The following FILIP1 variants were observed in gnomAD, a reference collection of about 807,000 sequenced individuals.
FILIP1 encodes the protein filamin A interacting protein 1.
A neutral mutation model predicts 102.1 loss-of-function variants in FILIP1; 61 were observed. That is an observed-to-expected ratio of 0.60 (90% CI 0.49 to 0.74). The LOEUF is 0.74. Among genes scored for constraint, FILIP1 ranks in the 30% least tolerant of loss-of-function variants. The probability of loss-of-function intolerance (pLI) is 0.00; values close to 1 mark genes in which losing one functional copy is unlikely to be tolerated. For synonymous variants in FILIP1, 491 were observed against 526.9 expected (o/e 0.93, Z 0.93); for missense variants, 1,314 against 1,441.2 (o/e 0.91, Z 1.43).
At chr6:75,327,645 T>C (rs1465883091) in intron 4 of FILIP1, among the ~76,000 whole-genome samples, 4 of 151,184 alleles carry the variant, frequency 2.6e-5, no homozygotes, top group African/African-American at 4.8e-5. Context: ...CTCCCTCATA[T>C]ATATTTAAGA....
chr6:75,339,301 T>C (rs1319405493), intron 4 of FILIP1, among the ~76,000 whole-genome samples: 1 of 152,254 alleles, frequency 6.6e-6, no homozygotes, highest in Admixed American at 6.5e-5. Context: ...TCCTGAGGAC[T>C]CTCTTGATTA....
rs1439351528 is a variant in FILIP1 at position 75,301,410 on chromosome 6, C to T, written c.3494-5460G>A. Among the ~76,000 whole-genome samples the T allele has an allele frequency of 2.6e-5, 4 of 152,130 alleles. No individual in the cohort carries two copies. The East Asian group carries it at 7.7e-4, about 29-fold the overall frequency. ...AACTGATTTTTGGTCCTGGCCTTAT[C>T]ATTAATAAGATGCTTAGACATCTGT... On this transcript the variant is annotated intron_variant, in intron 6 of 6. Coordinates refer to the FILIP1 transcript ENST00000393004.
At chr6:75,305,590 T>A (rs563565905), downstream of FILIP1, among the ~76,000 whole-genome samples, 2 of 152,182 alleles carry the variant, frequency 1.3e-5, no homozygotes, top group Non-Finnish European at 2.9e-5. Flanking sequence ...GACCTAGATA[T>A]ATAGCTCACA....
chr6:75,366,994 A>C (rs1462296081), intron 2 of FILIP1, among the ~76,000 whole-genome samples: 1 of 152,188 alleles, frequency 6.6e-6, no homozygotes. Flanking sequence ...TAAAACTGTA[A>C]GCAGGTATCT....
At chr6:75,324,802 A>G (rs1433313942) in intron 4 of FILIP1, among the ~76,000 whole-genome samples, 1 of 152,226 alleles carries the variant, frequency 6.6e-6, no homozygotes, top group African/African-American at 2.4e-5. Flanking sequence ...CAGCCAACTG[A>G]TCTTCAACAA....
chr6:75,394,712 A>G (rs1488908135), intron 2 of FILIP1, among the ~76,000 whole-genome samples: 1 of 152,214 alleles, frequency 6.6e-6, no homozygotes, highest in African/African-American at 2.4e-5. Context: ...AGAAATGTAA[A>G]TTAAAACTAC....
chr6:75,446,461 T>C (rs778799850), intron 1 of FILIP1, among the ~76,000 whole-genome samples: 1 of 152,166 alleles, frequency 6.6e-6, no homozygotes, highest in Non-Finnish European at 1.5e-5. Flanking sequence ...CTAATCTACA[T>C]TGCACAGTCA....
At chr6:75,370,680 G>T (rs1032554757) in intron 2 of FILIP1, among the ~76,000 whole-genome samples, 1 of 148,712 alleles carries the variant, frequency 6.7e-6, no homozygotes, top group African/African-American at 2.5e-5. Context: ...AGGTTCAAGC[G>T]ATTCTCCTGC....
intron 1 of FILIP1, among the ~76,000 whole-genome samples, chr6:75,441,814 G>C (rs1216354042): frequency 6.7e-6 from 1 of 148,984 alleles, no homozygotes; most frequent in Non-Finnish European, 1.5e-5. Flanking sequence ...CTCCCGGACG[G>C]GGCGGCTGGC....
Position 75,361,916 on chromosome 6 carries a change from A to C in FILIP1, c.450+828T>G, listed in dbSNP as rs1489759236. The C allele has an allele frequency of 2.0e-5, 3 of 152,204 alleles. No homozygotes were observed. The East Asian group carries it at 5.8e-4, about 29-fold the overall frequency. 9.4% of individuals were successfully genotyped at this position (152,204 alleles called of 1,614,324 possible). A position where few individuals can be genotyped will look rare whatever the true frequency, so the allele number is the denominator to read the frequency against. On this transcript the variant is annotated intron_variant, in intron 3 of 5. Coordinates refer to ENST00000237172, the MANE Select transcript of FILIP1 (RefSeq NM_015687.5). The stretch of plus-strand genomic sequence containing the variant: ...GTAATTTGAAAATTATGGGACCATC[A>C]ATCTGTTGTGAATGCTGTCTACAGC...
chr6:75,341,902 C>A (rs1452802009), intron 4 of FILIP1, among the ~76,000 whole-genome samples: 1 of 152,100 alleles, frequency 6.6e-6, no homozygotes, highest in East Asian at 1.9e-4. Context: ...TATTGTTTTC[C>A]TCCAAGAGTT....
chr6:75,429,076 T>C (rs1210945179), intron 1 of FILIP1, among the ~76,000 whole-genome samples: 1 of 149,908 alleles, frequency 6.7e-6, no homozygotes, highest in African/African-American at 2.5e-5. Context: ...ACTATGTTTT[T>C]TTGTTATTGC....
At chr6:75,467,175 C>T (rs1339023604) in intron 1 of FILIP1, among the ~76,000 whole-genome samples, 1 of 152,208 alleles carries the variant, frequency 6.6e-6, no homozygotes, top group African/African-American at 2.4e-5. Flanking sequence ...ATTTTACACA[C>T]TTTACTACTT....
chr6:75,367,637 CTCTGTCTCAAAAGAATAATAG>C (rs1463777891), intron 2 of FILIP1: 1 of 152,096 alleles, frequency 6.6e-6, no homozygotes, highest in Non-Finnish European at 1.5e-5. Context: ...CAGAGGGAGA[CTCTGTCTCAAAAGAATAATAG>C]AGATAATAAT....
chr6:75,359,696 C>A (rs1775116086), intron 3 of FILIP1, among the ~76,000 whole-genome samples: 1 of 152,086 alleles, frequency 6.6e-6, no homozygotes, highest in Non-Finnish European at 1.5e-5. Context: ...AAAGTTGTGG[C>A]AGAAGAAAAT....
At position 75,318,654 on chromosome 6, in the gene FILIP1, G is replaced by C. The variant is rs143728996; in HGVS notation, c.630-3452C>G. Among the ~76,000 whole-genome samples the C allele has an allele frequency of 5.8e-4, 89 of 152,212 alleles. No individual in the cohort carries two copies. The East Asian group carries it at 0.013, about 21-fold the overall frequency. On this transcript the variant is annotated intron_variant, in intron 4 of 5. Transcript: ENST00000237172. ...TGCAACTTTTTTCTTTGCAATTACAGAGTGGTATTCAGTTAACAGAACAAC... is the reference window on the plus strand; with the variant it reads ...TGCAACTTTTTTCTTTGCAATTACACAGTGGTATTCAGTTAACAGAACAAC...
intron 4 of FILIP1, among the ~76,000 whole-genome samples, chr6:75,320,779 C>T (rs1017734201): frequency 1.3e-5 from 2 of 152,092 alleles, no homozygotes; most frequent in African/African-American, 2.4e-5. Context: ...CCTTGAAGAA[C>T]GTGTCCATTT....
rs533077020 is a variant in FILIP1, at chr6:75,423,174, C to T, written c.-6-8196G>A. Among the ~76,000 whole-genome samples the T allele has an allele frequency of 5.3e-5, 8 of 152,228 alleles. No homozygotes were observed. The South Asian group carries it at 1.7e-3, about 32-fold the overall frequency. On this transcript the variant is annotated intron_variant, in intron 1 of 5. Coordinates refer to ENST00000237172, the MANE Select transcript of FILIP1 (RefSeq NM_015687.5). ...CACTAGAAGTTGCTGAAGAACTCAA[C>T]GTCTACCATTCTACGTTGTACAGCA...
At chr6:75,406,270 A>G (rs1418255839) in intron 2 of FILIP1, among the ~76,000 whole-genome samples, 1 of 152,172 alleles carries the variant, frequency 6.6e-6, no homozygotes, top group Admixed American at 6.5e-5. Context: ...CCTCCACAAA[A>G]TACTACTTCA....
Sources: allele counts gnomAD v4.1 joint callset (sites outside exome capture counted in the v4.1 genomes callset), GRCh38; gene constraint gnomAD v4.1.1; transcripts MANE v1.5; gene names NCBI Gene and HGNC (gene_info 2026-07-23, HGNC 2026-07-21).